JMJD1C: variants seen among roughly 807,000 people sequenced by gnomAD.
JMJD1C encodes jumonji domain containing 1C.
In JMJD1C, 31 loss-of-function variants were observed where a neutral mutation model predicts 245.3. The observed-to-expected ratio is 0.13, with a 90% CI of 0.09 to 0.17. The LOEUF (loss-of-function observed/expected upper bound fraction) is 0.17, where lower values mean the gene tolerates loss of function less well. Ranked by LOEUF, JMJD1C falls within the 10% of genes least tolerant of loss-of-function variation. The pLI is 1.00. For missense variants in JMJD1C, 2,691 were observed against 3,000.2 expected, an observed-to-expected ratio of 0.90 and a Z score of 2.41; for synonymous variants, 1,057 against 1,017.4, an observed-to-expected ratio of 1.04 and a Z score of -0.74.
At chr10:63,258,995 C>A (rs1163807466) in intron 3 of JMJD1C, among the ~76,000 whole-genome samples, 1 of 152,154 alleles carries the variant, frequency 6.6e-6, no homozygotes, top group African/African-American at 2.4e-5. Context: ...AGGTCAAATT[C>A]TCATTCACAC....
At chr10:63,297,319 C>T (rs1435735507) in intron 2 of JMJD1C, among the ~76,000 whole-genome samples, 1 of 152,118 alleles carries the variant, frequency 6.6e-6, no homozygotes, top group East Asian at 1.9e-4. Context: ...GCATGCACTT[C>T]CTCCATTCTG....
chr10:63,291,189 T>A (rs532370979), intron 2 of JMJD1C, among the ~76,000 whole-genome samples: 1 of 150,370 alleles, frequency 6.7e-6, no homozygotes, highest in African/African-American at 2.5e-5. Context: ...ATGCCTATAA[T>A]CCCAGCTACT....
chr10:63,421,974 A>T (rs1449331221), intron 1 of JMJD1C, among the ~76,000 whole-genome samples: 1 of 152,234 alleles, frequency 6.6e-6, no homozygotes, highest in East Asian at 1.9e-4. Context: ...TTGCTATAGC[A>T]ACCCTAGCAA....
intron 8 of JMJD1C, among the ~76,000 whole-genome samples, chr10:63,212,674 T>C (rs1847503749): frequency 6.6e-6 from 1 of 152,092 alleles, no homozygotes; most frequent in East Asian, 1.9e-4. Flanking sequence ...TCAAACACTG[T>C]ACTATACCAT....
At chr10:63,206,562 T>G in intron 10 of JMJD1C, 33 bp downstream of exon 10, 1 of 1,520,316 alleles carries the variant, frequency 6.6e-7, no homozygotes, top group Non-Finnish European at 8.8e-7. Flanking sequence ...TTCAGCCCAT[T>G]TTACCTGAGA....
intron 2 of JMJD1C, among the ~76,000 whole-genome samples, chr10:63,311,840 G>C (rs1939242568): frequency 6.6e-6 from 1 of 152,014 alleles, no homozygotes; most frequent in African/African-American, 2.4e-5. Context: ...AAGTAGAAAT[G>C]GTCTGGAATA....
intron 2 of JMJD1C, among the ~76,000 whole-genome samples, chr10:63,277,027 A>G (rs902049573): frequency 2.1e-4 from 31 of 149,758 alleles, no homozygotes; most frequent in Admixed American, 1.7e-3. Context: ...GACTACGGGC[A>G]CCCACCACCA....
intron 1 of JMJD1C, among the ~76,000 whole-genome samples, chr10:63,517,686 C>A (rs1023442185): frequency 6.6e-6 from 1 of 152,032 alleles, no homozygotes; most frequent in Non-Finnish European, 1.5e-5. Context: ...CTCCAAGAGA[C>A]CACACTATAA....
At chr10:63,279,664 G>A (rs920194255) in intron 2 of JMJD1C, among the ~76,000 whole-genome samples, 8 of 152,302 alleles carry the variant, frequency 5.3e-5, no homozygotes, top group Non-Finnish European at 1.0e-4. Context: ...AGCTACAAAG[G>A]AGGAGCACTT....
At chr10:63,169,075 G>A (rs573456310) in intron 24 of JMJD1C, among the ~76,000 whole-genome samples, 3 of 152,236 alleles carry the variant, frequency 2.0e-5, no homozygotes, top group East Asian at 3.9e-4. Flanking sequence ...TACTGACCTC[G>A]ACTGAGTTTC....
intron 1 of JMJD1C, among the ~76,000 whole-genome samples, chr10:63,483,858 T>C (rs1163421156): frequency 6.6e-6 from 1 of 152,208 alleles, no homozygotes; most frequent in East Asian, 1.9e-4. Flanking sequence ...AATTTTAATA[T>C]CTTAAACCAG....
chr10:63,473,784 TG>T (rs1337789101), intron 1 of JMJD1C, among the ~76,000 whole-genome samples: 3 of 151,940 alleles, frequency 2.0e-5, no homozygotes, highest in Non-Finnish European at 4.4e-5. Flanking sequence ...GGCTCACACC[TG>T]TAATTCCAGC....
intron 1 of JMJD1C, among the ~76,000 whole-genome samples, chr10:63,512,087 T>A (rs2133286718): frequency 6.6e-6 from 1 of 152,342 alleles, no homozygotes; most frequent in East Asian, 1.9e-4. Flanking sequence ...ATCTGTTGCA[T>A]CATTGCTGTC....
At chr10:63,379,634 A>C (rs1204187771) in intron 2 of JMJD1C, among the ~76,000 whole-genome samples, 1 of 152,246 alleles carries the variant, frequency 6.6e-6, no homozygotes, top group African/African-American at 2.4e-5. Flanking sequence ...TTTAATACAA[A>C]GTATGTTCCA....
At chr10:63,385,124 T>C (rs1210361403) in intron 1 of JMJD1C, among the ~76,000 whole-genome samples, 2 of 152,124 alleles carry the variant, frequency 1.3e-5, no homozygotes, top group East Asian at 3.9e-4. Context: ...GACAGGGGAA[T>C]GGCTGGTTAG....
At chr10:63,262,733 TTAC>T (rs1854943478) in intron 3 of JMJD1C, among the ~76,000 whole-genome samples, 1 of 152,166 alleles carries the variant, frequency 6.6e-6, no homozygotes, top group Non-Finnish European at 1.5e-5. Context: ...ATTAAATAGC[TTAC>T]TAACAGAGAC....
At chr10:63,225,780 CAAAA>C (rs36089482) in intron 3 of JMJD1C, among the ~76,000 whole-genome samples, 1 of 94,626 alleles carries the variant, frequency 1.1e-5, no homozygotes. Context: ...ACTGCATCTC[CAAAA>C]AAAAAAAAAA....
chr10:63,252,026 T>C (rs1336608276), intron 3 of JMJD1C, among the ~76,000 whole-genome samples: 1 of 152,054 alleles, frequency 6.6e-6, no homozygotes, highest in Admixed American at 6.6e-5. Context: ...AGAAAATAAA[T>C]AAAGGCTCTC....
chr10:63,367,541 C>T (rs967216966), intron 2 of JMJD1C, among the ~76,000 whole-genome samples: 2 of 152,042 alleles, frequency 1.3e-5, no homozygotes, highest in Non-Finnish European at 2.9e-5. Flanking sequence ...CTACTGTACC[C>T]GGCAATTCAC....
Sources: gnomAD v4.1 joint callset for allele counts (sites outside exome capture counted in the v4.1 genomes callset) on GRCh38, gnomAD v4.1.1 for gene constraint, MANE v1.5 for transcripts, NCBI Gene and HGNC (gene_info 2026-07-23, HGNC 2026-07-21) for gene names.